The following GPR158 variants were observed in gnomAD, a reference collection of about 807,000 sequenced individuals.
GPR158 encodes G protein-coupled receptor 158.
GPR158 carries 30 observed loss-of-function variants against 78.2 expected under a neutral mutation model. That is an observed-to-expected ratio of 0.38 (90% CI 0.29 to 0.52). GPR158 has a LOEUF of 0.52. Ranked by LOEUF, GPR158 falls within the 20% of genes least tolerant of loss-of-function variation. The pLI, the probability that GPR158 is intolerant of heterozygous loss-of-function variation, is 0.83. For synonymous variants in GPR158, 581 were observed against 591.1 expected (o/e 0.98, Z 0.25); for missense variants, 1,463 against 1,523.5 (o/e 0.96, Z 0.66).
chr10:25,294,454 T>C (rs1407293680), intron 2 of GPR158, among the ~76,000 whole-genome samples: 8 of 152,222 alleles, frequency 5.3e-5, no homozygotes, highest in African/African-American at 1.9e-4. Context: ...ATCCTTTTGC[T>C]GAATTTTCTG....
At chr10:25,317,871 G>A (rs2130473713) in intron 2 of GPR158, among the ~76,000 whole-genome samples, 1 of 152,176 alleles carries the variant, frequency 6.6e-6, no homozygotes, top group East Asian at 1.9e-4. Flanking sequence ...TGGGATTACA[G>A]GCATGTGCCA....
intron 2 of GPR158, among the ~76,000 whole-genome samples, chr10:25,395,079 T>C (rs1482690513): frequency 1.3e-5 from 2 of 152,162 alleles, no homozygotes; most frequent in Non-Finnish European, 2.9e-5. Context: ...TTTTGTAGTT[T>C]AGTAGAAGTT....
intron 8 of GPR158, among the ~76,000 whole-genome samples, chr10:25,593,554 A>G (rs1437869335): frequency 6.6e-6 from 1 of 152,202 alleles, no homozygotes; most frequent in East Asian, 1.9e-4. Context: ...TCCTTAAAAC[A>G]TGAACTGTGT....
At chr10:25,392,752 G>A (rs1588842377) in intron 2 of GPR158, among the ~76,000 whole-genome samples, 1 of 152,028 alleles carries the variant, frequency 6.6e-6, no homozygotes, top group Non-Finnish European at 1.5e-5. Context: ...ATGAAGTAGC[G>A]AGGGAATCAT....
chr10:25,301,835 T>C (rs1854600291), intron 2 of GPR158, among the ~76,000 whole-genome samples: 1 of 152,090 alleles, frequency 6.6e-6, no homozygotes, highest in Non-Finnish European at 1.5e-5. Context: ...CAATAAGATG[T>C]GTGGGGTTTT....
intron 1 of GPR158, among the ~76,000 whole-genome samples, chr10:25,211,932 C>T (rs1483817424): frequency 6.6e-6 from 1 of 152,122 alleles, no homozygotes; most frequent in Non-Finnish European, 1.5e-5. Context: ...ATGTCTGCCA[C>T]AATTGGGTAG....
At chr10:25,367,444 T>G (rs1477467929) in intron 2 of GPR158, among the ~76,000 whole-genome samples, 1 of 151,848 alleles carries the variant, frequency 6.6e-6, no homozygotes, top group Non-Finnish European at 1.5e-5. Flanking sequence ...TCCTTTGTTC[T>G]TTTTCAAGAT....
intron 1 of GPR158, among the ~76,000 whole-genome samples, chr10:25,177,315 T>C (rs1022765350): frequency 9.2e-5 from 14 of 151,872 alleles, no homozygotes; most frequent in Admixed American, 6.5e-5. Flanking sequence ...ACTGAAAGAG[T>C]AGTTACACCA....
At chr10:25,533,510 T>C (rs1836452687) in intron 5 of GPR158, among the ~76,000 whole-genome samples, 1 of 152,238 alleles carries the variant, frequency 6.6e-6, no homozygotes, top group African/African-American at 2.4e-5. Context: ...CTCTCAGTAG[T>C]TTAATCTCTG....
At chr10:25,399,185 T>G (rs2130533181) in intron 3 of GPR158, among the ~76,000 whole-genome samples, 1 of 152,084 alleles carries the variant, frequency 6.6e-6, no homozygotes, top group Non-Finnish European at 1.5e-5. Context: ...TATAAAACCA[T>G]CAGATGTCAT....
At chr10:25,236,523 T>A (rs1048588912) in intron 2 of GPR158, among the ~76,000 whole-genome samples, 21 of 151,992 alleles carry the variant, frequency 1.4e-4, no homozygotes. Flanking sequence ...ATAAAAAAAA[T>A]AAAAAAATAA....
At chr10:25,554,499 A>T (rs1836763372) in intron 6 of GPR158, among the ~76,000 whole-genome samples, 1 of 152,190 alleles carries the variant, frequency 6.6e-6, no homozygotes, top group African/African-American at 2.4e-5. Context: ...TGAAACAAAC[A>T]TGAAAGAGGA....
intron 2 of GPR158, among the ~76,000 whole-genome samples, chr10:25,332,122 G>C (rs572772538): frequency 1.2e-4 from 17 of 147,158 alleles, no homozygotes; most frequent in African/African-American, 3.3e-4. Context: ...CCTGGGGGGG[G>C]GCGAATACAT....
chr10:25,454,946 T>G (rs115797693), intron 4 of GPR158, among the ~76,000 whole-genome samples: 30 of 152,344 alleles, frequency 2.0e-4, no homozygotes, highest in African/African-American at 7.0e-4. Flanking sequence ...CTCATTCATT[T>G]ATTTAGTAAG....
chr10:25,282,201 A>G (rs1434803873), intron 2 of GPR158, among the ~76,000 whole-genome samples: 1 of 151,304 alleles, frequency 6.6e-6, no homozygotes, highest in Non-Finnish European at 1.5e-5. Context: ...TGCATTTTCC[A>G]GAAAATCATA....
intron 4 of GPR158, among the ~76,000 whole-genome samples, chr10:25,433,937 A>ATC (rs1834960476): frequency 6.6e-6 from 1 of 151,960 alleles, no homozygotes; most frequent in African/African-American, 2.4e-5. Flanking sequence ...AGGTGGGTGG[A>ATC]TCACGAGGTC....
chr10:25,214,326 A>G (rs1251601993), intron 1 of GPR158, among the ~76,000 whole-genome samples: 1 of 152,160 alleles, frequency 6.6e-6, no homozygotes, highest in Non-Finnish European at 1.5e-5. Context: ...TATTTTTAAA[A>G]AAACTAGTTT....
intron 2 of GPR158, among the ~76,000 whole-genome samples, chr10:25,324,054 A>C (rs1489047547): frequency 6.6e-6 from 1 of 152,126 alleles, no homozygotes; most frequent in Non-Finnish European, 1.5e-5. Context: ...TCATGTCTGG[A>C]TTTTCTATTT....
chr10:25,543,769 C>T (rs35488334), intron 5 of GPR158, among the ~76,000 whole-genome samples: 37,619 of 152,084 alleles, frequency 0.25, 5,640 homozygotes, highest in Non-Finnish European at 0.33. Context: ...TAATGGCCTG[C>T]AGTTCCATCT....
Sources: gnomAD v4.1 joint callset for allele counts (sites outside exome capture counted in the v4.1 genomes callset) on GRCh38, gnomAD v4.1.1 for gene constraint, MANE v1.5 for transcripts, NCBI Gene and HGNC (gene_info 2026-07-23, HGNC 2026-07-21) for gene names.